The following TNRC6B variants were observed in gnomAD, a reference collection of about 807,000 sequenced individuals.
TNRC6B encodes trinucleotide repeat containing adaptor 6B.
In TNRC6B, 52 loss-of-function variants were observed where a neutral mutation model predicts 203.6. The observed-to-expected ratio is 0.26, with a 90% CI of 0.20 to 0.32. The LOEUF is 0.32. TNRC6B is among the 10% of genes least tolerant of loss of function. TNRC6B has a pLI of 1.00. For synonymous variants in TNRC6B, 838 were observed against 845.7 expected (o/e 0.99, Z 0.16); for missense variants, 1,923 against 2,286.2 (o/e 0.84, Z 3.24).
intron 1 of TNRC6B, among the ~76,000 whole-genome samples, chr22:40,080,921 ATC>A (rs1231907446): frequency 6.6e-6 from 1 of 151,324 alleles, no homozygotes; most frequent in African/African-American, 2.4e-5. Context: ...CAGTGGTGCA[ATC>A]TCAGCTCACT....
intron 2 of TNRC6B, among the ~76,000 whole-genome samples, chr22:40,247,431 A>G (rs928845356): frequency 2.6e-5 from 4 of 152,180 alleles, no homozygotes; most frequent in Admixed American, 6.5e-5. Context: ...TCATAACTCA[A>G]TTTTTTGAAT....
chr22:40,048,348 G>A (rs991259453), intron 1 of TNRC6B, among the ~76,000 whole-genome samples: 14 of 152,118 alleles, frequency 9.2e-5, no homozygotes, highest in African/African-American at 3.4e-4. Context: ...AGACCATTCT[G>A]GCCAATATGG....
In TNRC6B at chr22:40,331,645, A is replaced by ATTTTTTTTT; in HGVS notation, c.*8421_*8429dup. The ATTTTTTTTT allele has an allele frequency of 7.6e-6, 1 of 132,220 alleles. No homozygotes were observed. Among genetic ancestry groups the ATTTTTTTTT allele is most frequent in the Middle Eastern group, 3.3e-3 (1 of 300 alleles). 8.2% of individuals were successfully genotyped at this position (132,220 alleles called of 1,614,324 possible). On this transcript the variant is annotated 3_prime_UTR_variant, in exon 23 of 23. Coordinates refer to ENST00000454349, the MANE Select transcript of TNRC6B (RefSeq NM_001162501.2). ...ACTGAATTTAAGAAGAGGTTGTTGG[A>ATTTTTTTTT]TTTTTTTTTTTTTTTTTTTTTTTTT...
At chr22:40,143,817 A>G (rs1017455686) in intron 3 of TNRC6B, among the ~76,000 whole-genome samples, 5 of 152,076 alleles carry the variant, frequency 3.3e-5, no homozygotes, top group Non-Finnish European at 7.4e-5. Flanking sequence ...TTTCTAATAA[A>G]AGTCTGCAAT....
At chr22:40,130,550 G>T (rs1318312963) in intron 3 of TNRC6B, among the ~76,000 whole-genome samples, 1 of 151,962 alleles carries the variant, frequency 6.6e-6, no homozygotes, top group Non-Finnish European at 1.5e-5. Flanking sequence ...GGGAGGCCGA[G>T]GCGGGCGGAT....
rs183337879 is a variant in TNRC6B, at chr22:40,330,273, G to T, written c.*7032G>T. Reference sequence around the variant, plus strand: ...AGTTGTCAAGGTGGCTTATGATGCTGTTGTAGCAGAGCTGTGAAAGGAAGT... The same window carrying T: ...AGTTGTCAAGGTGGCTTATGATGCTTTTGTAGCAGAGCTGTGAAAGGAAGT... On this transcript the variant is annotated 3_prime_UTR_variant, in exon 23 of 23. Transcript: ENST00000454349. 44 of 152,288 alleles carry T rather than the reference G, an allele frequency of 2.9e-4. No individual in the cohort carries two copies. The highest frequency in any genetic ancestry group is 1.0e-3 in the African/African-American group (42 of 41,552). 9.4% of individuals were successfully genotyped at this position (152,288 alleles called of 1,614,324 possible).
chr22:40,281,100 A>G lies in TNRC6B; in HGVS notation c.3412-19A>G, dbSNP rs1236668812. 1.3e-6 allele frequency: 2 copies of G among 1,539,064 alleles called. No individual in the cohort carries two copies. The highest frequency in any genetic ancestry group is 2.0e-5 in the Admixed American group (1 of 49,244). ...TAACCAACACTCGTTGTGATTGGCTAACTCCTACTACTTTTCAGCTGACTT... is the reference window on the plus strand; with the variant it reads ...TAACCAACACTCGTTGTGATTGGCTGACTCCTACTACTTTTCAGCTGACTT... On this transcript the variant is annotated intron_variant, in intron 10 of 22. Transcript: ENST00000454349.
At chr22:40,307,979 G>A (rs147041002) in intron 15 of TNRC6B, among the ~76,000 whole-genome samples, 10 of 152,188 alleles carry the variant, frequency 6.6e-5, no homozygotes, top group African/African-American at 2.4e-4. Context: ...CCCAGAGTTA[G>A]CTAACCATTG....
chr22:40,266,867 C>T lies in TNRC6B; in HGVS notation c.2637C>T (p.Ser879=). ...DEEPSGWEEP[S]PQSISRKMDI... ...AACCCAGTGGTTGGGAAGAGCCATC[C>T]CCACAGTCAATTAGTCGGAAAATGG... is the stretch of plus-strand genomic sequence containing the variant. Residue 879 remains serine (S), a synonymous_variant, in exon 5 of 23, where the codon TCC becomes TCT. Transcript: ENST00000454349. 1 of 1,613,964 alleles carries T rather than the reference C, an allele frequency of 6.2e-7. No homozygotes were observed. Among genetic ancestry groups the T allele is most frequent in the Non-Finnish European group, 8.5e-7 (1 of 1,179,880 alleles).
chr22:40,071,913 A>G (rs1389155103), intron 1 of TNRC6B, among the ~76,000 whole-genome samples: 3 of 152,174 alleles, frequency 2.0e-5, no homozygotes, highest in East Asian at 1.9e-4. Flanking sequence ...GCTGGAGTAC[A>G]TTGGCGCGAT....
intron 4 of TNRC6B, chr22:40,156,245 A>G (rs2068817947): frequency 2.0e-6 from 3 of 1,483,418 alleles, no homozygotes; most frequent in Non-Finnish European, 2.8e-6. Context: ...TTGGTTCAAC[A>G]TGCTGATAAG....
At chr22:40,132,711 A>G (rs1364701276) in intron 3 of TNRC6B, among the ~76,000 whole-genome samples, 1 of 150,806 alleles carries the variant, frequency 6.6e-6, no homozygotes, top group African/African-American at 2.4e-5. Flanking sequence ...AGGGAGGCCA[A>G]GGCGGGTGGA....
At chr22:40,074,249 A>G (rs1361615550) in intron 1 of TNRC6B, among the ~76,000 whole-genome samples, 2 of 145,652 alleles carry the variant, frequency 1.4e-5, no homozygotes, top group Non-Finnish European at 2.9e-5. Flanking sequence ...AAAAAAAAAA[A>G]AAAGAAAAGA....
At position 40,178,127 on chromosome 22, in the gene TNRC6B, C is replaced by A. The variant is rs369222577; in HGVS notation, c.-9C>A. On this transcript the variant is annotated 5_prime_UTR_variant, in exon 1 of 23. It adds an upstream start codon to the 5' untranslated region. Coordinates refer to ENST00000454349, the MANE Select transcript of TNRC6B (RefSeq NM_001162501.2). ...CTCAATTTGCTGGATTTAAGCACTG[C>A]TGCACTTTATGAGGTTGGTAAATAT... 3.7e-6 allele frequency: 6 copies of A among 1,613,112 alleles called. No homozygotes were observed. The highest frequency in any genetic ancestry group is 4.2e-6 in the Non-Finnish European group (5 of 1,179,586).
chr22:40,119,866 GAC>G (rs1379264741), intron 2 of TNRC6B, among the ~76,000 whole-genome samples: 1 of 151,894 alleles, frequency 6.6e-6, no homozygotes, highest in Non-Finnish European at 1.5e-5. Flanking sequence ...AGTTGCCCTA[GAC>G]ACAACCATAA....
intron 4 of TNRC6B, among the ~76,000 whole-genome samples, chr22:40,157,734 A>T (rs1041937513): frequency 6.6e-6 from 1 of 151,864 alleles, no homozygotes; most frequent in African/African-American, 2.4e-5. Flanking sequence ...ACAGCCCTCC[A>T]CCCCCACACT....
rs370630736 is a variant in TNRC6B at position 40,126,491 on chromosome 22, A to G, written c.45+629A>G. On this transcript the variant is annotated intron_variant, in intron 3 of 23. Coordinates refer to the TNRC6B transcript ENST00000301923. ...TTAGCTCCCACTTATAAGTGAGAAC[A>G]TGCAGCATTTGGTTTTCTGTTTCTG... Among the ~76,000 whole-genome samples the G allele has an allele frequency of 1.3e-4, 19 of 151,646 alleles. 2 individuals carry two copies. Among genetic ancestry groups the G allele is most frequent in the Admixed American group, 9.8e-4 (15 of 15,246 alleles).
chr22:40,069,276 T>C (rs1320620062), intron 1 of TNRC6B, among the ~76,000 whole-genome samples: 5 of 149,372 alleles, frequency 3.3e-5, no homozygotes, highest in African/African-American at 4.9e-5. Context: ...GATATAAAAT[T>C]TTTTTTTTTT....
At chr22:40,155,567 G>A (rs867510064) in intron 3 of TNRC6B, among the ~76,000 whole-genome samples, 5 of 152,190 alleles carry the variant, frequency 3.3e-5, no homozygotes, top group Admixed American at 6.5e-5. Context: ...GATTACAGGC[G>A]TGAGCCACCC....
Sources: allele counts gnomAD v4.1 joint callset (sites outside exome capture counted in the v4.1 genomes callset), GRCh38; gene constraint gnomAD v4.1.1; transcripts MANE v1.5; gene names NCBI Gene and HGNC (gene_info 2026-07-23, HGNC 2026-07-21).